The following UNC5C variants were observed in gnomAD, a reference collection of about 807,000 sequenced individuals.
UNC5C encodes the protein unc-5 netrin receptor C, also known as netrin receptor UNC5C.
A neutral mutation model predicts 99.8 loss-of-function variants in UNC5C; 47 were observed. The ratio of observed to expected loss-of-function variants is 0.47; its 90% confidence interval spans 0.37 to 0.60. UNC5C has a LOEUF of 0.60. Among genes scored for constraint, UNC5C ranks in the 20% least tolerant of loss-of-function variants. The pLI is 0.00. For synonymous variants in UNC5C, 487 were observed against 452.2 expected (o/e 1.08, Z -0.98); for missense variants, 1,062 against 1,165.9 (o/e 0.91, Z 1.30).
At chr4:95,394,538 AG>A (rs1745454314) in intron 1 of UNC5C, among the ~76,000 whole-genome samples, 1 of 152,198 alleles carries the variant, frequency 6.6e-6, no homozygotes, top group South Asian at 2.1e-4. Flanking sequence ...GAATTGGGTG[AG>A]AAATATTCAA....
At chr4:95,261,945 T>C (rs1027806345) in intron 4 of UNC5C, among the ~76,000 whole-genome samples, 5 of 152,182 alleles carry the variant, frequency 3.3e-5, no homozygotes, top group Non-Finnish European at 7.4e-5. Context: ...CTTCATGATC[T>C]GCCGGCCTCA....
chr4:95,323,838 C>T (rs558204521), intron 2 of UNC5C, among the ~76,000 whole-genome samples: 1 of 152,246 alleles, frequency 6.6e-6, no homozygotes, highest in South Asian at 2.1e-4. Context: ...GAGTTCAAGA[C>T]CAGCCTGGCC....
chr4:95,305,682 G>A (rs1474054151), intron 2 of UNC5C, among the ~76,000 whole-genome samples: 3 of 152,176 alleles, frequency 2.0e-5, no homozygotes, highest in African/African-American at 7.2e-5. Flanking sequence ...CATGCTGTTT[G>A]AAGTTTGCAG....
intron 2 of UNC5C, 28 bp downstream of exon 2, chr4:95,335,382 T>G: frequency 1.3e-6 from 2 of 1,578,972 alleles, no homozygotes; most frequent in Non-Finnish European, 8.7e-7. Context: ...AATCTTGAAG[T>G]GCAATGCAAA....
intron 1 of UNC5C, among the ~76,000 whole-genome samples, chr4:95,514,750 G>A (rs1722170964): frequency 6.6e-6 from 1 of 151,648 alleles, no homozygotes; most frequent in Admixed American, 6.6e-5. Context: ...TTGGCTCACT[G>A]CAACCTCTGC....
intron 1 of UNC5C, among the ~76,000 whole-genome samples, chr4:95,478,566 C>G (rs936696787): frequency 6.6e-6 from 1 of 151,970 alleles, no homozygotes; most frequent in Admixed American, 6.6e-5. Context: ...CTATTCCACA[C>G]CCTTGTTGTA....
chr4:95,356,131 A>G (rs1439352818), intron 1 of UNC5C, among the ~76,000 whole-genome samples: 1 of 144,502 alleles, frequency 6.9e-6, no homozygotes, highest in Non-Finnish European at 1.5e-5. Flanking sequence ...TAGAAGCTGC[A>G]GTAAGCTGTG....
intron 7 of UNC5C, among the ~76,000 whole-genome samples, chr4:95,240,704 ACACTTCATGCCATCATTACTGGC>A (rs1450657542): frequency 2.0e-5 from 3 of 152,240 alleles, no homozygotes; most frequent in Non-Finnish European, 4.4e-5. Context: ...CAATAGACAC[ACACTTCATGCCATCATTACTGGC>A]AAATATCCAA....
At chr4:95,268,580 A>C (rs1579283217) in intron 4 of UNC5C, among the ~76,000 whole-genome samples, 1 of 152,214 alleles carries the variant, frequency 6.6e-6, no homozygotes, top group Non-Finnish European at 1.5e-5. Flanking sequence ...TGTCAATAAT[A>C]GAGAGCAAAA....
At chr4:95,462,548 G>A (rs919822033) in intron 1 of UNC5C, among the ~76,000 whole-genome samples, 3 of 152,126 alleles carry the variant, frequency 2.0e-5, no homozygotes, top group Non-Finnish European at 2.9e-5. Flanking sequence ...GTAACTTCTT[G>A]TAATATGGCA....
chr4:95,236,881 C>G (rs1051382410), intron 7 of UNC5C, among the ~76,000 whole-genome samples: 1 of 152,024 alleles, frequency 6.6e-6, no homozygotes, highest in African/African-American at 2.4e-5. Flanking sequence ...TTTACAATAA[C>G]AAAGAATATA....
chr4:95,292,236 CATAT>C (rs71583696), intron 3 of UNC5C, among the ~76,000 whole-genome samples: 19,742 of 88,062 alleles, frequency 0.22, 1,548 homozygotes, highest in East Asian at 0.29. Flanking sequence ...CACACACACA[CATAT>C]ATATATATAT....
At chr4:95,214,978 A>G (rs1410381358) in intron 10 of UNC5C, among the ~76,000 whole-genome samples, 1 of 152,216 alleles carries the variant, frequency 6.6e-6, no homozygotes, top group Admixed American at 6.5e-5. Flanking sequence ...AATTTAAGGC[A>G]TGAATAATGC....
chr4:95,293,110 T>A (rs910820942), intron 3 of UNC5C, among the ~76,000 whole-genome samples: 1 of 151,998 alleles, frequency 6.6e-6, no homozygotes, highest in African/African-American at 2.4e-5. Flanking sequence ...AGTAAGCCAG[T>A]TTTAGACTTG....
chr4:95,272,225 C>T (rs935738409), intron 4 of UNC5C, among the ~76,000 whole-genome samples: 1 of 152,128 alleles, frequency 6.6e-6, no homozygotes, highest in Admixed American at 6.6e-5. Context: ...TTAACTGACT[C>T]GTATTTCCTA....
intron 1 of UNC5C, among the ~76,000 whole-genome samples, chr4:95,451,614 TAAGA>T (rs1747280620): frequency 6.6e-6 from 1 of 152,184 alleles, no homozygotes; most frequent in Non-Finnish European, 1.5e-5. Flanking sequence ...CTTTTATTAG[TAAGA>T]AAGAATATTG....
chr4:95,214,594 C>T (rs897733545), intron 10 of UNC5C, among the ~76,000 whole-genome samples: 4 of 152,220 alleles, frequency 2.6e-5, no homozygotes, highest in African/African-American at 4.8e-5. Flanking sequence ...AGCTTCAGCC[C>T]GTGCCTGCAG....
chr4:95,480,808 AC>A (rs1264714225), intron 1 of UNC5C, among the ~76,000 whole-genome samples: 2 of 151,696 alleles, frequency 1.3e-5, no homozygotes, highest in Non-Finnish European at 2.9e-5. Context: ...AAATTCAACA[AC>A]CATTCATGCT....
chr4:95,245,441 C>T (rs1364720937), intron 5 of UNC5C, among the ~76,000 whole-genome samples: 1 of 152,170 alleles, frequency 6.6e-6, no homozygotes, highest in African/African-American at 2.4e-5. Flanking sequence ...CCTATCTCCT[C>T]ACCTAGTCAA....
Sources: allele counts gnomAD v4.1 joint callset (sites outside exome capture counted in the v4.1 genomes callset), GRCh38; gene constraint gnomAD v4.1.1; transcripts MANE v1.5; gene names NCBI Gene and HGNC (gene_info 2026-07-23, HGNC 2026-07-21).